The following TEKTIP1 variants were observed in gnomAD, a reference collection of about 807,000 sequenced individuals.
The protein encoded by TEKTIP1 is tektin bundle interacting protein 1.
At chr19:3,539,187 C>T in the TEKTIP1 span, 5 of 1,550,574 alleles carry the variant, frequency 3.2e-6, no homozygotes, top group Non-Finnish European at 3.5e-6. Context: ...CATGCAAACC[C>T]TCAGGCAAGA....
chr19:3,539,938 A>G, the TEKTIP1 span: 1 of 152,160 alleles, frequency 6.6e-6, no homozygotes, highest in Admixed American at 6.6e-5. Context: ...CCTTTGCTCC[A>G]TTTCCAAGGA....
the TEKTIP1 span, chr19:3,543,837 A>G: frequency 6.5e-7 from 1 of 1,533,406 alleles, no homozygotes; most frequent in Non-Finnish European, 8.8e-7. Context: ...AGTGCTCAAC[A>G]GGAACCGGTA....
the TEKTIP1 span, chr19:3,543,383 A>C: frequency 6.5e-7 from 1 of 1,549,324 alleles, no homozygotes; most frequent in Non-Finnish European, 8.7e-7. Flanking sequence ...AGCCTGGTAC[A>C]ACCTGCCACG....
At chr19:3,541,050 T>C in the TEKTIP1 span, among the ~76,000 whole-genome samples, 3 of 146,458 alleles carry the variant, frequency 2.0e-5, no homozygotes, top group African/African-American at 7.7e-5. Flanking sequence ...GCGCCTGCAA[T>C]CCCAGCTACT....
the TEKTIP1 span, chr19:3,542,349 C>T: frequency 1.0e-6 from 1 of 985,430 alleles, no homozygotes. Context: ...GCTTTCCGTG[C>T]AGGGCAGATG....
the TEKTIP1 span, chr19:3,542,261 G>C: frequency 2.0e-6 from 2 of 985,378 alleles, no homozygotes; most frequent in Non-Finnish European, 2.4e-6. Flanking sequence ...AACTGACCAG[G>C]CTACTCCCAT....
At chr19:3,543,906 C>A in the TEKTIP1 span, 1 of 1,551,006 alleles carries the variant, frequency 6.4e-7, no homozygotes, top group Non-Finnish European at 8.7e-7. Flanking sequence ...GGCACCCCAG[C>A]GCCCGCCCGG....
chr19:3,541,947 C>T, the TEKTIP1 span: 1 of 404,942 alleles, frequency 2.5e-6, no homozygotes, highest in Non-Finnish European at 3.3e-6. Flanking sequence ...GTAGCTGGGA[C>T]CACAGGTGTC....
chr19:3,543,853 T>G, the TEKTIP1 span: 167 of 1,545,874 alleles, frequency 1.1e-4, no homozygotes, highest in Non-Finnish European at 1.4e-4. Context: ...CGGTACGGGG[T>G]GGAGCCACTG....
At chr19:3,543,610 G>C in the TEKTIP1 span, 8 of 1,544,406 alleles carry the variant, frequency 5.2e-6, no homozygotes, top group East Asian at 9.8e-5. Flanking sequence ...TCCCTGCCCA[G>C]TACCAGGCCC....
At chr19:3,542,123 T>TTTAA in the TEKTIP1 span, 1 of 985,308 alleles carries the variant, frequency 1.0e-6, no homozygotes, top group Non-Finnish European at 1.2e-6. Flanking sequence ...TTTGTGCTGT[T>TTTAA]TTAATTGTGT....
the TEKTIP1 span, chr19:3,543,360 C>A: frequency 6.5e-7 from 1 of 1,549,432 alleles, no homozygotes; most frequent in Non-Finnish European, 8.7e-7. Flanking sequence ...CTGACCAACT[C>A]GGACGCCTGG....
At chr19:3,542,479 T>A in the TEKTIP1 span, 2 of 984,774 alleles carry the variant, frequency 2.0e-6, no homozygotes, top group East Asian at 1.1e-4. Context: ...GAGTCTCTTG[T>A]CTTTTTGTTT....
At chr19:3,543,939 T>C in the TEKTIP1 span, 4 of 1,549,344 alleles carry the variant, frequency 2.6e-6, no homozygotes, top group Admixed American at 5.9e-5. Context: ...CTACCGGGAG[T>C]GGGTCCTGGA....
the TEKTIP1 span, chr19:3,542,927 A>G: frequency 1.4e-6 from 2 of 1,458,320 alleles, no homozygotes; most frequent in Non-Finnish European, 1.9e-6. Context: ...GGAATCCAGG[A>G]GTAGCCAGGG....
chr19:3,543,608 C>T, the TEKTIP1 span: 7 of 1,544,864 alleles, frequency 4.5e-6, no homozygotes, highest in Non-Finnish European at 6.1e-6. Flanking sequence ...CGTCCCTGCC[C>T]AGTACCAGGC....
the TEKTIP1 span, chr19:3,542,837 T>A: frequency 2.3e-5 from 31 of 1,376,298 alleles, no homozygotes; most frequent in Admixed American, 5.7e-5. Context: ...CCAGACCACT[T>A]CTTCCTGGTG....
chr19:3,540,736 G>A, the TEKTIP1 span, among the ~76,000 whole-genome samples: 81 of 151,722 alleles, frequency 5.3e-4, no homozygotes, highest in Non-Finnish European at 8.5e-4. Flanking sequence ...AAAATTAGCC[G>A]GGAATGGTGG....
the TEKTIP1 span, chr19:3,539,365 T>G: frequency 1.4e-6 from 1 of 694,612 alleles, no homozygotes. Flanking sequence ...GTGTCACTCG[T>G]TATTCCTAAA....
Sources: gnomAD v4.1 joint callset for allele counts (sites outside exome capture counted in the v4.1 genomes callset) on GRCh38, gnomAD v4.1.1 for gene constraint, MANE v1.5 for transcripts, NCBI Gene and HGNC (gene_info 2026-07-23, HGNC 2026-07-21) for gene names.